RBFOX1: variants seen among roughly 807,000 people sequenced by gnomAD.
RBFOX1 encodes the protein RNA binding fox-1 homolog 1, also known as RNA binding protein fox-1 homolog 1.
RBFOX1 carries 8 observed loss-of-function variants against 57.7 expected under a neutral mutation model. The observed-to-expected ratio is 0.14, with a 90% confidence interval of 0.08 to 0.25. The LOEUF (loss-of-function observed/expected upper bound fraction) is 0.25. Ranked by LOEUF, RBFOX1 falls within the 10% of genes least tolerant of loss-of-function variation. The probability of loss-of-function intolerance (pLI) is 1.00; values close to 1 mark genes in which losing one functional copy is unlikely to be tolerated. For missense variants in RBFOX1, 611 were observed against 548.5 expected (o/e 1.11, Z -1.14); for synonymous variants, 326 against 222.4 (o/e 1.47, Z -4.15).
chr16:5,664,114 A>G (rs1188069402), intron 3 of RBFOX1, among the ~76,000 whole-genome samples: 4 of 152,176 alleles, frequency 2.6e-5, no homozygotes, highest in East Asian at 1.9e-4. Flanking sequence ...CCCTCTCACC[A>G]TAGCTGCTGT....
intron 1 of RBFOX1, among the ~76,000 whole-genome samples, chr16:6,050,885 T>C (rs1441816755): frequency 6.6e-6 from 1 of 151,512 alleles, no homozygotes; most frequent in Non-Finnish European, 1.5e-5. Context: ...ATTATCTTTG[T>C]TGATGCTCAG....
intron 4 of RBFOX1, among the ~76,000 whole-genome samples, chr16:7,214,581 C>T (rs527760414): frequency 6.6e-6 from 1 of 152,162 alleles, no homozygotes; most frequent in East Asian, 1.9e-4. Context: ...GTGCTCCTAC[C>T]TCATCGTCTG....
intron 3 of RBFOX1, among the ~76,000 whole-genome samples, chr16:6,728,412 C>G (rs1158607866): frequency 6.6e-6 from 1 of 152,112 alleles, no homozygotes; most frequent in Non-Finnish European, 1.5e-5. Context: ...TTCCTTGAGC[C>G]CAGTTGTATT....
At chr16:5,439,122 C>G (rs116091649) in intron 1 of RBFOX1, among the ~76,000 whole-genome samples, 1,572 of 151,902 alleles carry the variant, frequency 0.01, 27 homozygotes, top group African/African-American at 0.036. Flanking sequence ...AGAAGCCAGC[C>G]TTGGGGAGAT....
intron 4 of RBFOX1, among the ~76,000 whole-genome samples, chr16:7,248,745 T>C (rs2094403201): frequency 6.6e-6 from 1 of 152,192 alleles, no homozygotes; most frequent in African/African-American, 2.4e-5. Context: ...GAATTAGCAT[T>C]ATCATTAATT....
In RBFOX1 at chr16:6,303,962, C is replaced by G. The variant is rs182862162; in HGVS notation, c.-126-13033C>G. Among the ~76,000 whole-genome samples, 1,057 of 151,252 alleles carry G rather than the reference C, an allele frequency of 7.0e-3. 20 individuals carry two copies. Among genetic ancestry groups the G allele is most frequent in the African/African-American group, 0.024 (980 of 41,172 alleles). ...GAGTGGCTGGGATTACAGGCACGCA[C>G]TACCATGCCTGGCTAATTTTTGTAT... is the stretch of plus-strand genomic sequence containing the variant. On this transcript the variant is annotated intron_variant, in intron 1 of 15. Coordinates refer to ENST00000550418, the MANE Select transcript of RBFOX1 (RefSeq NM_018723.4).
intron 4 of RBFOX1, among the ~76,000 whole-genome samples, chr16:7,302,170 G>A (rs1016822651): frequency 6.6e-6 from 1 of 152,180 alleles, no homozygotes; most frequent in East Asian, 1.9e-4. Flanking sequence ...TTGATGGGAT[G>A]TGTGAGCCCC....
chr16:7,195,833 A>G (rs777314852), intron 4 of RBFOX1, among the ~76,000 whole-genome samples: 1 of 152,176 alleles, frequency 6.6e-6, no homozygotes, highest in Admixed American at 6.5e-5. Flanking sequence ...GGTTACAGGC[A>G]TGAACCACTG....
intron 5 of RBFOX1, among the ~76,000 whole-genome samples, chr16:7,565,037 C>A (rs949771504): frequency 2.6e-5 from 4 of 152,178 alleles, no homozygotes; most frequent in Middle Eastern, 3.4e-3. Context: ...ATTTGTTTGC[C>A]GACGGAGCTC....
chr16:7,455,884 G>T (rs968981498), intron 4 of RBFOX1, among the ~76,000 whole-genome samples: 32 of 151,508 alleles, frequency 2.1e-4, no homozygotes, highest in Admixed American at 2.1e-3. Context: ...CCACTGTGAT[G>T]TCTAAGATTC....
chr16:7,596,476 C>G (rs887600794), intron 8 of RBFOX1, among the ~76,000 whole-genome samples: 2 of 152,026 alleles, frequency 1.3e-5, no homozygotes. Flanking sequence ...TCACCAAACT[C>G]TCAGTAACCA....
chr16:6,269,572 A>G (rs1407346610), intron 1 of RBFOX1, among the ~76,000 whole-genome samples: 3 of 152,232 alleles, frequency 2.0e-5, no homozygotes, highest in Non-Finnish European at 4.4e-5. Context: ...AGAGTCAAAT[A>G]AGAAATGGTG....
chr16:7,117,570 C>T (rs928802097), intron 4 of RBFOX1, among the ~76,000 whole-genome samples: 2 of 152,104 alleles, frequency 1.3e-5, no homozygotes, highest in Admixed American at 1.3e-4. Context: ...ATCTATAGTA[C>T]CTCATCTGAA....
intron 3 of RBFOX1, among the ~76,000 whole-genome samples, chr16:6,865,858 C>T (rs534966315): frequency 6.6e-6 from 1 of 152,160 alleles, no homozygotes; most frequent in African/African-American, 2.4e-5. Flanking sequence ...TGCGTGTAGG[C>T]TTATTTCTTC....
chr16:7,284,903 T>C (rs796926446), intron 4 of RBFOX1, among the ~76,000 whole-genome samples: 14 of 152,132 alleles, frequency 9.2e-5, no homozygotes, highest in African/African-American at 3.1e-4. Flanking sequence ...GCATGCACAC[T>C]CTTTCTTACA....
Position 6,450,811 on chromosome 16 carries a change from A to G in RBFOX1, c.-64+133754A>G, listed in dbSNP as rs1463888299. Among the ~76,000 whole-genome samples the G allele has an allele frequency of 1.8e-3, 44 of 24,116 alleles. 4 individuals are homozygous for G. Among genetic ancestry groups the G allele is most frequent in the East Asian group, 5.9e-3 (3 of 506 alleles). The allele number at this position is 24,116 out of a possible 152,430, so 15.8% of individuals were successfully genotyped here. A position where few individuals can be genotyped will look rare whatever the true frequency, so the allele number is the denominator to read the frequency against. ...TATACATATATATATGTATATATATATATATACATATATATATATATATAT... is the reference window on the plus strand; with the variant it reads ...TATACATATATATATGTATATATATGTATATACATATATATATATATATAT... On this transcript the variant is annotated intron_variant, in intron 2 of 15. Transcript: ENST00000550418.
At chr16:6,389,085 T>C (rs966062326) in intron 2 of RBFOX1, among the ~76,000 whole-genome samples, 1 of 152,196 alleles carries the variant, frequency 6.6e-6, no homozygotes, top group Non-Finnish European at 1.5e-5. Context: ...GGCTTTGCAC[T>C]TTTGCCAGCT....
intron 2 of RBFOX1, among the ~76,000 whole-genome samples, chr16:6,370,593 A>C (rs2090289102): frequency 6.6e-6 from 1 of 152,168 alleles, no homozygotes; most frequent in Non-Finnish European, 1.5e-5. Flanking sequence ...GCAAAAGGAC[A>C]AATATTGTAT....
At chr16:5,548,389 A>T (rs1459674607) in intron 2 of RBFOX1, among the ~76,000 whole-genome samples, 1 of 151,718 alleles carries the variant, frequency 6.6e-6, no homozygotes, top group Non-Finnish European at 1.5e-5. Context: ...AAAAGTTGCA[A>T]TTAAAAAAAG....
Sources: gnomAD v4.1 joint callset for allele counts (sites outside exome capture counted in the v4.1 genomes callset) on GRCh38, gnomAD v4.1.1 for gene constraint, MANE v1.5 for transcripts, NCBI Gene and HGNC (gene_info 2026-07-23, HGNC 2026-07-21) for gene names.